KCNIP4: variants seen among roughly 807,000 people sequenced by gnomAD.
KCNIP4 encodes potassium voltage-gated channel interacting protein 4, also known as Kv channel-interacting protein 4.
In KCNIP4, 12 loss-of-function variants were observed where a neutral mutation model predicts 34.0. That is an observed-to-expected ratio of 0.35 (90% confidence interval 0.23 to 0.57). KCNIP4 has a LOEUF of 0.57. KCNIP4 is among the 20% of genes least tolerant of loss of function. The pLI is 0.83. For synonymous variants in KCNIP4, 124 were observed against 102.2 expected (o/e 1.21, Z -1.29); for missense variants, 238 against 311.7 (o/e 0.76, Z 1.78).
chr4:21,172,840 A>T (rs1754112540), intron 1 of KCNIP4, among the ~76,000 whole-genome samples: 1 of 151,834 alleles, frequency 6.6e-6, no homozygotes, highest in Non-Finnish European at 1.5e-5. Flanking sequence ...TACAGACCCC[A>T]CTCCGGTGTG....
intron 1 of KCNIP4, among the ~76,000 whole-genome samples, chr4:21,734,315 G>A (rs1040297824): frequency 3.3e-5 from 5 of 152,088 alleles, no homozygotes; most frequent in Non-Finnish European, 7.4e-5. Context: ...GAAGACAAAC[G>A]TGACTCAGTA....
At chr4:21,584,623 T>TC (rs1400441568) in intron 1 of KCNIP4, among the ~76,000 whole-genome samples, 2 of 152,056 alleles carry the variant, frequency 1.3e-5, no homozygotes, top group African/African-American at 4.8e-5. Context: ...CTGGCATTAT[T>TC]CCCCCTTTAG....
intron 3 of KCNIP4, among the ~76,000 whole-genome samples, chr4:20,809,977 G>A (rs1056601724): frequency 3.3e-5 from 5 of 152,208 alleles, no homozygotes; most frequent in African/African-American, 1.2e-4. Context: ...GGCAAAGTCA[G>A]AGAAACATGA....
chr4:21,389,616 AC>A (rs1560357489), intron 1 of KCNIP4, among the ~76,000 whole-genome samples: 1 of 151,546 alleles, frequency 6.6e-6, no homozygotes, highest in Admixed American at 6.6e-5. Flanking sequence ...CCATGTCCCT[AC>A]AAAGGCCATG....
intron 1 of KCNIP4, among the ~76,000 whole-genome samples, chr4:21,140,297 A>G (rs1373979160): frequency 6.6e-6 from 1 of 152,050 alleles, no homozygotes; most frequent in Non-Finnish European, 1.5e-5. Flanking sequence ...TACACATTCC[A>G]TGAGAATATT....
At chr4:21,101,289 C>T (rs1747919040) in intron 1 of KCNIP4, among the ~76,000 whole-genome samples, 1 of 152,040 alleles carries the variant, frequency 6.6e-6, no homozygotes, top group Admixed American at 6.6e-5. Context: ...ATACATGATT[C>T]CATTCTTTTT....
rs552137988 is a variant in KCNIP4, at chr4:21,385,705, C to T, written c.62-502996G>A. On this transcript the variant is annotated intron_variant, in intron 1 of 8. Transcript: ENST00000382152. ...TTGTCATCACCATCATATCCCTTAT[C>T]AAGGTACTAGATTGTGGCCGTGAAG... Among the ~76,000 whole-genome samples the T allele has an allele frequency of 6.4e-4, 98 of 152,220 alleles. 1 individual carries two copies. The highest frequency in any genetic ancestry group is 2.3e-3 in the African/African-American group (94 of 41,532).
intron 1 of KCNIP4, among the ~76,000 whole-genome samples, chr4:21,485,150 A>G (rs1577443191): frequency 6.6e-6 from 1 of 152,184 alleles, no homozygotes; most frequent in Non-Finnish European, 1.5e-5. Context: ...TAACACCCCC[A>G]TCAGCTCACA....
chr4:20,829,925 A>G (rs1044919729), intron 3 of KCNIP4, among the ~76,000 whole-genome samples: 1 of 152,046 alleles, frequency 6.6e-6, no homozygotes, highest in African/African-American at 2.4e-5. Flanking sequence ...AGATTTATAT[A>G]TATGCAACTA....
At chr4:21,065,724 G>T (rs1289343913) in intron 1 of KCNIP4, among the ~76,000 whole-genome samples, 2 of 52,758 alleles carry the variant, frequency 3.8e-5, no homozygotes, top group Non-Finnish European at 7.0e-5. Flanking sequence ...GGTATCATTT[G>T]TCTATATATA....
At chr4:20,953,269 C>T (rs1295817260) in intron 1 of KCNIP4, among the ~76,000 whole-genome samples, 3 of 152,294 alleles carry the variant, frequency 2.0e-5, no homozygotes, top group South Asian at 2.1e-4. Flanking sequence ...AGAGTGGCTT[C>T]GTCACTGATT....
intron 1 of KCNIP4, among the ~76,000 whole-genome samples, chr4:20,953,394 G>T (rs150348115): frequency 6.6e-6 from 1 of 152,126 alleles, no homozygotes; most frequent in African/African-American, 2.4e-5. Context: ...TAAATGGACC[G>T]GGTGCAGTGG....
At chr4:21,145,769 C>T (rs960023510) in intron 1 of KCNIP4, among the ~76,000 whole-genome samples, 15 of 152,134 alleles carry the variant, frequency 9.9e-5, no homozygotes, top group African/African-American at 3.6e-4. Context: ...TGGTCTGGTA[C>T]TGAGAGATGA....
chr4:21,059,312 C>T (rs546611890), intron 1 of KCNIP4, among the ~76,000 whole-genome samples: 92 of 152,256 alleles, frequency 6.0e-4, no homozygotes, highest in African/African-American at 2.1e-3. Context: ...AATCTCTAAT[C>T]CTGAATGCTG....
intron 1 of KCNIP4, among the ~76,000 whole-genome samples, chr4:21,442,733 C>G (rs1727598912): frequency 6.6e-6 from 1 of 152,102 alleles, no homozygotes; most frequent in Admixed American, 6.6e-5. Flanking sequence ...AGCTCATGTA[C>G]CCCATTCTTC....
intron 1 of KCNIP4, among the ~76,000 whole-genome samples, chr4:21,294,188 T>C: frequency 6.6e-6 from 1 of 152,198 alleles, no homozygotes; most frequent in East Asian, 1.9e-4. Context: ...TAATGCCATC[T>C]TCTTGCTTAC....
chr4:21,695,238 C>G (rs977000718), intron 1 of KCNIP4, among the ~76,000 whole-genome samples: 1 of 151,950 alleles, frequency 6.6e-6, no homozygotes, highest in Non-Finnish European at 1.5e-5. Context: ...TTGGCTTTTC[C>G]AAGTCGCATT....
chr4:21,675,149 A>G (rs114697781), intron 1 of KCNIP4, among the ~76,000 whole-genome samples: 1,988 of 152,318 alleles, frequency 0.013, 36 homozygotes, highest in Middle Eastern at 0.02. Flanking sequence ...TTGTAACATC[A>G]ATAATGAAAC....
intron 1 of KCNIP4, among the ~76,000 whole-genome samples, chr4:21,192,589 A>G (rs548215209): frequency 6.6e-6 from 1 of 152,180 alleles, no homozygotes; most frequent in Non-Finnish European, 1.5e-5. Context: ...GATACTAACC[A>G]GATTAGGCTT....
Sources: allele counts gnomAD v4.1 joint callset (sites outside exome capture counted in the v4.1 genomes callset), GRCh38; gene constraint gnomAD v4.1.1; transcripts MANE v1.5; gene names NCBI Gene and HGNC (gene_info 2026-07-23, HGNC 2026-07-21).